The following ADCK1 variants were observed in gnomAD, a reference collection of about 807,000 sequenced individuals.
The protein encoded by ADCK1 is aarF domain-containing protein kinase 1.
In ADCK1, 41 loss-of-function variants were observed where a neutral mutation model predicts 52.3. That is an observed-to-expected ratio of 0.78 (90% CI 0.61 to 1.02). The LOEUF is 1.02. Ranked by LOEUF, ADCK1 falls within the 50% of genes least tolerant of loss-of-function variation. ADCK1 has a pLI of 0.00. For missense variants in ADCK1, 658 were observed against 679.5 expected, an observed-to-expected ratio of 0.97 and a Z score of 0.35; for synonymous variants, 250 against 274.6, an observed-to-expected ratio of 0.91 and a Z score of 0.89.
At chr14:77,907,143 A>T (rs1237641482) in intron 6 of ADCK1, among the ~76,000 whole-genome samples, 1 of 152,102 alleles carries the variant, frequency 6.6e-6, no homozygotes, top group African/African-American at 2.4e-5. Flanking sequence ...TGAACTTCTG[A>T]GCTCAAGCAA....
At chr14:77,913,437 G>A (rs1595078375) in intron 7 of ADCK1, among the ~76,000 whole-genome samples, 1 of 152,178 alleles carries the variant, frequency 6.6e-6, no homozygotes, top group East Asian at 1.9e-4. Flanking sequence ...GTGTCTGTGA[G>A]CCCAGAAGCA....
At position 77,931,729 on chromosome 14, in the gene ADCK1, CCT is replaced by C; in HGVS notation, c.1400+22_1400+23del. 6.3e-7 allele frequency: 1 copy of C among 1,593,586 alleles called. No homozygotes were observed. The highest frequency in any genetic ancestry group is 8.5e-7 in the Non-Finnish European group (1 of 1,174,884). On this transcript the variant is annotated intron_variant, in intron 10 of 10. Transcript: ENST00000238561. ...CTAGCTGAGTGAGTGTGGGCTCCTCCCTCTCCTCCCCTCCTAGCCCCCTGGCC... is the reference window on the plus strand; with the variant it reads ...CTAGCTGAGTGAGTGTGGGCTCCTCCCTCCTCCCCTCCTAGCCCCCTGGCC...
chr14:77,816,602 T>G (rs1251516550), intron 1 of ADCK1, among the ~76,000 whole-genome samples: 1 of 152,182 alleles, frequency 6.6e-6, no homozygotes, highest in Non-Finnish European at 1.5e-5. Flanking sequence ...GCCCTTTCGC[T>G]GTTAACTGAC....
intron 7 of ADCK1, among the ~76,000 whole-genome samples, chr14:77,918,903 G>A (rs561351588): frequency 1.3e-5 from 2 of 152,158 alleles, no homozygotes; most frequent in Non-Finnish European, 2.9e-5. Flanking sequence ...AACCTCAAAG[G>A]TTGTGACTTC....
chr14:77,838,470 C>T (rs990931681), intron 3 of ADCK1, among the ~76,000 whole-genome samples: 6 of 152,108 alleles, frequency 3.9e-5, no homozygotes, highest in Non-Finnish European at 7.4e-5. Flanking sequence ...AATCATGGCT[C>T]ACTGCAGCCT....
chr14:77,869,677 G>A (rs1450845637), intron 4 of ADCK1, among the ~76,000 whole-genome samples: 1 of 152,078 alleles, frequency 6.6e-6, no homozygotes, highest in East Asian at 1.9e-4. Context: ...AACTAGCTAA[G>A]GCAAAAAAGG....
At chr14:77,803,161 T>A (rs879144713) in intron 1 of ADCK1, among the ~76,000 whole-genome samples, 1 of 152,160 alleles carries the variant, frequency 6.6e-6, no homozygotes, top group Non-Finnish European at 1.5e-5. Flanking sequence ...GAAGACCCTA[T>A]CACTCTCTCC....
At chr14:77,894,648 A>G (rs2083359999) in intron 5 of ADCK1, among the ~76,000 whole-genome samples, 1 of 151,484 alleles carries the variant, frequency 6.6e-6, no homozygotes, top group African/African-American at 2.4e-5. Context: ...CCTGGCATGT[A>G]GTAGGAACTA....
intron 1 of ADCK1, among the ~76,000 whole-genome samples, chr14:77,805,252 CTTTTTTT>C (rs777184096): frequency 1.3e-3 from 78 of 62,286 alleles, no homozygotes; most frequent in African/African-American, 4.0e-3. Flanking sequence ...GCTTTGCATT[CTTTTTTT>C]TTTTTTTTTT....
At chr14:77,916,176 T>A (rs79108273) in intron 7 of ADCK1, among the ~76,000 whole-genome samples, 1 of 152,126 alleles carries the variant, frequency 6.6e-6, no homozygotes, top group Non-Finnish European at 1.5e-5. Flanking sequence ...AGATGCCAGA[T>A]GTCTCTGCTT....
At chr14:77,825,347 G>A (rs187390288) in intron 3 of ADCK1, among the ~76,000 whole-genome samples, 4 of 151,204 alleles carry the variant, frequency 2.6e-5, no homozygotes, top group African/African-American at 4.9e-5. Context: ...TAGAAGACCC[G>A]AGTTTGTGAC....
intron 3 of ADCK1, 147 bp from the exon 4 acceptor site, chr14:77,858,929 T>A: frequency 1.6e-6 from 1 of 622,798 alleles, no homozygotes; most frequent in Non-Finnish European, 2.6e-6. Context: ...AGGGAAAAGG[T>A]GTGTGTGTGT....
intron 3 of ADCK1, among the ~76,000 whole-genome samples, chr14:77,838,539 G>A (rs2082005108): frequency 6.6e-6 from 1 of 152,116 alleles, no homozygotes; most frequent in African/African-American, 2.4e-5. Flanking sequence ...TGGGAATACA[G>A]GCACGTGCTG....
intron 4 of ADCK1, among the ~76,000 whole-genome samples, chr14:77,880,288 T>A (rs945471264): frequency 6.6e-6 from 1 of 152,244 alleles, no homozygotes. Context: ...TTGGCAAGCA[T>A]TGTGCCAGCC....
At chr14:77,903,737 A>G (rs2083598746) in intron 6 of ADCK1, among the ~76,000 whole-genome samples, 1 of 152,124 alleles carries the variant, frequency 6.6e-6, no homozygotes, top group African/African-American at 2.4e-5. Context: ...AGGGTTCCTT[A>G]GTGTGAGGTA....
At chr14:77,897,549 C>A (rs544180262) in intron 5 of ADCK1, among the ~76,000 whole-genome samples, 1 of 152,300 alleles carries the variant, frequency 6.6e-6, no homozygotes, top group East Asian at 1.9e-4. Flanking sequence ...TCTTCTAAAA[C>A]CCCCTCTTAA....
chr14:77,833,923 T>C (rs1204932931), intron 3 of ADCK1, among the ~76,000 whole-genome samples: 1 of 152,222 alleles, frequency 6.6e-6, no homozygotes, highest in Non-Finnish European at 1.5e-5. Context: ...ATACAGCTTG[T>C]ATTTTAAAAA....
chr14:77,852,692 T>TATTATATATATATATATATAC (rs2082324271), intron 3 of ADCK1, among the ~76,000 whole-genome samples: 1 of 102,572 alleles, frequency 9.7e-6, no homozygotes, highest in Admixed American at 9.5e-5. Flanking sequence ...TATATATATA[T>TATTATATATATATATATATAC]ATATATATAT....
intron 3 of ADCK1, among the ~76,000 whole-genome samples, chr14:77,835,622 A>G (rs1361575308): frequency 6.6e-6 from 1 of 152,086 alleles, no homozygotes; most frequent in Non-Finnish European, 1.5e-5. Context: ...CTAAAGATTT[A>G]TTGTCAGTGA....
Sources: gnomAD v4.1 joint callset for allele counts (sites outside exome capture counted in the v4.1 genomes callset) on GRCh38, gnomAD v4.1.1 for gene constraint, MANE v1.5 for transcripts, NCBI Gene and HGNC (gene_info 2026-07-23, HGNC 2026-07-21) for gene names.